The following PVT1 variants were observed in gnomAD, a reference collection of about 807,000 sequenced individuals.
PVT1 encodes the protein Pvt1 oncogene.
At chr8:127,884,671 C>T (rs1309576427) in intron 2 of PVT1, among the ~76,000 whole-genome samples, 1 of 152,152 alleles carries the variant, frequency 6.6e-6, no homozygotes, top group Non-Finnish European at 1.5e-5. Flanking sequence ...CAACCCATTA[C>T]AGAAAGAGCA....
chr8:128,089,846 G>A (rs1433567929), intron 5 of PVT1, among the ~76,000 whole-genome samples: 4 of 152,192 alleles, frequency 2.6e-5, no homozygotes, highest in Non-Finnish European at 5.9e-5. Flanking sequence ...AACCGTTAGA[G>A]AATGATTTCA....
chr8:128,025,256 G>A (rs1230367522), intron 4 of PVT1, among the ~76,000 whole-genome samples: 2 of 152,210 alleles, frequency 1.3e-5, no homozygotes, highest in African/African-American at 2.4e-5. Flanking sequence ...TGCACCCTGG[G>A]TGTTCGGGGC....
chr8:128,003,831 T>C (rs561028040), intron 4 of PVT1, among the ~76,000 whole-genome samples: 2 of 152,372 alleles, frequency 1.3e-5, no homozygotes, highest in African/African-American at 4.8e-5. Context: ...AGCGTCTCTG[T>C]CTTTGTCTAT....
chr8:127,854,231 C>T (rs979859091), intron 2 of PVT1, among the ~76,000 whole-genome samples: 8 of 152,234 alleles, frequency 5.3e-5, no homozygotes, highest in African/African-American at 1.2e-4. Context: ...CGTAAGTCTC[C>T]GGCAGTGGGC....
At chr8:128,100,699 C>A (rs1814492924) in intron 6 of PVT1, among the ~76,000 whole-genome samples, 1 of 152,206 alleles carries the variant, frequency 6.6e-6, no homozygotes, top group African/African-American at 2.4e-5. Context: ...GCTAAGCCAA[C>A]CCAACCTCCA....
At chr8:127,900,442 C>G (rs1354059447) in intron 3 of PVT1, among the ~76,000 whole-genome samples, 4 of 152,194 alleles carry the variant, frequency 2.6e-5, no homozygotes, top group African/African-American at 9.7e-5. Flanking sequence ...ACAAGTACCT[C>G]TCCTGAACTT....
At chr8:127,957,117 A>C (rs1215824734) in intron 3 of PVT1, among the ~76,000 whole-genome samples, 2 of 152,092 alleles carry the variant, frequency 1.3e-5, no homozygotes, top group Non-Finnish European at 2.9e-5. Context: ...TATTTTGCAC[A>C]TGTGGAAGTG....
At chr8:127,854,360 T>C (rs1348078927) in intron 2 of PVT1, among the ~76,000 whole-genome samples, 1 of 152,180 alleles carries the variant, frequency 6.6e-6, no homozygotes, top group Non-Finnish European at 1.5e-5. Context: ...GGCTCTGCGC[T>C]GGGCCGCTGA....
rs1814697942 is a variant in PVT1 at position 127,818,948 on chromosome 8, A to G, written n.372+22877A>G. Among the ~76,000 whole-genome samples, 2 of 152,134 alleles carry G rather than the reference A, an allele frequency of 1.3e-5. 1 individual carries two copies. Among genetic ancestry groups the G allele is most frequent in the South Asian group, 4.1e-4 (2 of 4,824 alleles). ...TAGCTCACAACAGCCTCTGTCTGCC[A>G]GGCTCAAGGGATACTCCTGCCTCAG... On this transcript the variant is annotated intron_variant and non_coding_transcript_variant, in intron 2 of 10. Coordinates refer to ENST00000651587, the Ensembl canonical transcript of PVT1.
At chr8:128,032,639 A>G (rs1482349167) in intron 4 of PVT1, among the ~76,000 whole-genome samples, 1 of 152,234 alleles carries the variant, frequency 6.6e-6, no homozygotes, top group Non-Finnish European at 1.5e-5. Context: ...TTTATTATCT[A>G]CATATCTGGG....
At chr8:127,984,988 TTTC>T (rs1816944478) in intron 3 of PVT1, among the ~76,000 whole-genome samples, 1 of 132,516 alleles carries the variant, frequency 7.5e-6, no homozygotes, top group Non-Finnish European at 1.6e-5. Flanking sequence ...CCTTTCTTTC[TTTC>T]TCTTTCCTTC....
chr8:127,896,574 T>G (rs1323345656), intron 3 of PVT1, among the ~76,000 whole-genome samples: 2 of 151,154 alleles, frequency 1.3e-5, no homozygotes, highest in Non-Finnish European at 2.9e-5. Flanking sequence ...AAGTTTTTAT[T>G]TTTATTTTTT....
At chr8:128,088,685 G>T (rs1164582936) in intron 5 of PVT1, among the ~76,000 whole-genome samples, 2 of 152,218 alleles carry the variant, frequency 1.3e-5, no homozygotes, top group African/African-American at 4.8e-5. Context: ...TGAAAAGAAT[G>T]CATCCTCTGC....
chr8:127,857,660 A>G (rs371061381), intron 2 of PVT1, among the ~76,000 whole-genome samples: 1 of 152,210 alleles, frequency 6.6e-6, no homozygotes, highest in East Asian at 1.9e-4. Flanking sequence ...AGTCTAGGCC[A>G]CAGAGTGAGA....
chr8:128,074,349 G>A (rs2608045), intron 5 of PVT1, among the ~76,000 whole-genome samples: 35,221 of 142,010 alleles, frequency 0.25, 4,342 homozygotes, highest in East Asian at 0.4. Context: ...TACTAAAAAT[G>A]AAAAAATAAA....
chr8:127,804,720 T>C lies in PVT1; in HGVS notation n.372+8649T>C, dbSNP rs1169334497. 2.2e-5 allele frequency among the ~76,000 whole-genome samples: 3 copies of C among 137,676 alleles called. No individual in the cohort carries two copies. In the East Asian group the frequency reaches 6.0e-4, roughly 28 times the overall value. The allele number at this position is 137,676 out of a possible 152,430, so 90.3% of individuals were successfully genotyped here. ...AATTTTTTTTCTTTCTTTCTTTTTC[T>C]TTTTTTTTTTGTATTTTTAGTTCAG... On this transcript the variant is annotated intron_variant and non_coding_transcript_variant, in intron 2 of 10. Transcript: ENST00000651587.
intron 2 of PVT1, among the ~76,000 whole-genome samples, chr8:127,872,310 G>C (rs1815359702): frequency 6.6e-6 from 1 of 152,086 alleles, no homozygotes; most frequent in African/African-American, 2.4e-5. Flanking sequence ...CTACTCTGGA[G>C]GCTGAGGTGG....
intron 4 of PVT1, among the ~76,000 whole-genome samples, chr8:128,063,475 A>G (rs1189576851): frequency 6.6e-6 from 1 of 152,066 alleles, no homozygotes; most frequent in Non-Finnish European, 1.5e-5. Context: ...TTGCACCACT[A>G]CACTCCAGCC....
chr8:127,812,075 C>T (rs1488419598), intron 2 of PVT1, among the ~76,000 whole-genome samples: 1 of 150,618 alleles, frequency 6.6e-6, no homozygotes, highest in Admixed American at 6.6e-5. Context: ...CACCACTGCA[C>T]TCCAGCCTGG....
Sources: gnomAD v4.1 joint callset for allele counts (sites outside exome capture counted in the v4.1 genomes callset) on GRCh38, gnomAD v4.1.1 for gene constraint, MANE v1.5 for transcripts, NCBI Gene and HGNC (gene_info 2026-07-23, HGNC 2026-07-21) for gene names.